The following TNPO3 variants were observed in gnomAD, a reference collection of about 807,000 sequenced individuals.
The protein encoded by TNPO3 is transportin 3, also known as transportin-3.
In TNPO3, 65 loss-of-function variants were observed where a neutral mutation model predicts 122.8. That is an observed-to-expected ratio of 0.53 (90% CI 0.43 to 0.65). The LOEUF is 0.65. Ranked by LOEUF, TNPO3 falls within the 30% of genes least tolerant of loss-of-function variation. TNPO3 has a pLI of 0.00. For missense variants in TNPO3, 850 were observed against 1,136.7 expected, an observed-to-expected ratio of 0.75 and a Z score of 3.63; for synonymous variants, 372 against 411.2, an observed-to-expected ratio of 0.90 and a Z score of 1.15.
At chr7:129,025,687 A>C (rs1040129491) in intron 1 of TNPO3, among the ~76,000 whole-genome samples, 3 of 97,454 alleles carry the variant, frequency 3.1e-5, no homozygotes, top group African/African-American at 1.1e-4. Flanking sequence ...TGCCAGGATT[A>C]CAGGTGTGAG....
chr7:129,020,118 T>TA (rs1301406012), intron 1 of TNPO3, among the ~76,000 whole-genome samples: 1 of 152,020 alleles, frequency 6.6e-6, no homozygotes, highest in Non-Finnish European at 1.5e-5. Flanking sequence ...ACCCTGTTTT[T>TA]AAAAAAACCA....
At chr7:128,985,548 A>G (rs999904643) in intron 12 of TNPO3, among the ~76,000 whole-genome samples, 11 of 152,350 alleles carry the variant, frequency 7.2e-5, no homozygotes, top group Non-Finnish European at 1.2e-4. Context: ...GTGAGCTATG[A>G]TCATGCCACT....
chr7:129,013,365 GA>G (rs1803440963), intron 4 of TNPO3, among the ~76,000 whole-genome samples: 1 of 145,918 alleles, frequency 6.9e-6, no homozygotes, highest in African/African-American at 2.5e-5. Flanking sequence ...AGAATGGGAG[GA>G]AATATTTGCA....
intron 4 of TNPO3, among the ~76,000 whole-genome samples, chr7:129,006,736 A>G (rs2150398006): frequency 6.6e-6 from 1 of 152,312 alleles, no homozygotes; most frequent in Non-Finnish European, 1.5e-5. Context: ...CCAAGTTCAA[A>G]GCTTCATCTA....
chr7:129,027,895 CAAGA>C (rs2150483173), intron 1 of TNPO3, among the ~76,000 whole-genome samples: 1 of 152,226 alleles, frequency 6.6e-6, no homozygotes, highest in East Asian at 1.9e-4. Flanking sequence ...GTGAAGGAAA[CAAGA>C]AATATACCAC....
At chr7:128,982,205 G>A in intron 14 of TNPO3, 43 bp downstream of exon 14, 2 of 1,533,570 alleles carry the variant, frequency 1.3e-6, no homozygotes, top group Non-Finnish European at 1.8e-6. Context: ...GGTTTCATTT[G>A]AGCCTTTAAC....
At chr7:129,020,041 A>T (rs1313541791) in intron 1 of TNPO3, among the ~76,000 whole-genome samples, 1 of 151,976 alleles carries the variant, frequency 6.6e-6, no homozygotes, top group Non-Finnish European at 1.5e-5. Flanking sequence ...GGTGGCATGC[A>T]CCTGTGATCC....
upstream of TNPO3, chr7:129,056,140 T>C: frequency 1.0e-6 from 1 of 996,446 alleles, no homozygotes; most frequent in Non-Finnish European, 1.6e-6. Context: ...ACCAAGGTGA[T>C]TTGTGCTCTC....
chr7:129,044,018 C>T (rs1237557011), intron 1 of TNPO3, among the ~76,000 whole-genome samples: 1 of 152,212 alleles, frequency 6.6e-6, no homozygotes, highest in African/African-American at 2.4e-5. Flanking sequence ...CATATGTTAA[C>T]AGTGCTTAAG....
At chr7:129,049,693 A>G (rs540363188) in intron 1 of TNPO3, among the ~76,000 whole-genome samples, 4 of 152,362 alleles carry the variant, frequency 2.6e-5, no homozygotes, top group African/African-American at 7.2e-5. Context: ...CATAAAGACA[A>G]AGAAAATGGA....
At chr7:129,023,952 C>T (rs1402050658) in intron 1 of TNPO3, among the ~76,000 whole-genome samples, 7 of 152,164 alleles carry the variant, frequency 4.6e-5, no homozygotes, top group Admixed American at 3.9e-4. Flanking sequence ...TGAACAATAA[C>T]AGCTAGTTAC....
chr7:129,045,285 T>C (rs1464858603), intron 1 of TNPO3, among the ~76,000 whole-genome samples: 1 of 152,162 alleles, frequency 6.6e-6, no homozygotes, highest in Non-Finnish European at 1.5e-5. Context: ...ATGATGGTGA[T>C]GGTTGCACAA....
chr7:128,957,166 C>G, intron 22 of TNPO3, 58 bp downstream of exon 22: 1 of 1,467,252 alleles, frequency 6.8e-7, no homozygotes, highest in Admixed American at 1.7e-5. Flanking sequence ...ATCCCCATTC[C>G]CAGGCATCCC....
chr7:129,016,220 C>G (rs1032258094), intron 3 of TNPO3, among the ~76,000 whole-genome samples: 21 of 152,036 alleles, frequency 1.4e-4, no homozygotes, highest in Non-Finnish European at 2.9e-5. Context: ...CTGGCCAAAC[C>G]CCGCCTCTAC....
intron 4 of TNPO3, among the ~76,000 whole-genome samples, chr7:129,012,298 A>G (rs1803310642): frequency 1.3e-5 from 2 of 151,962 alleles, no homozygotes; most frequent in Admixed American, 1.3e-4. Flanking sequence ...GAGCCACTGC[A>G]CCCAGCCCTC....
intron 13 of TNPO3, among the ~76,000 whole-genome samples, chr7:128,982,954 A>G (rs538664376): frequency 6.6e-6 from 1 of 152,314 alleles, no homozygotes; most frequent in East Asian, 1.9e-4. Context: ...TGCTAACTTG[A>G]ATGAATTCTT....
In TNPO3 at chr7:128,986,996, A is replaced by G. The variant is rs542391044; in HGVS notation, c.1499-76T>C. 4.3e-4 allele frequency: 614 copies of G among 1,442,206 alleles called. 1 individual carries two copies. The highest frequency in any genetic ancestry group is 5.2e-4 in the Non-Finnish European group (566 of 1,079,422). 89.3% of individuals were successfully genotyped at this position (1,442,206 alleles called of 1,614,324 possible). A position where few individuals can be genotyped will look rare whatever the true frequency, so the allele number is the denominator to read the frequency against. On this transcript the variant is annotated intron_variant, in intron 11 of 22. Coordinates refer to ENST00000265388, the MANE Select transcript of TNPO3 (RefSeq NM_012470.4). The stretch of plus-strand genomic sequence containing the variant: ...TTCTAGTTTATTAAAACAGAGGTAT[A>G]CTTGCTTTTCTTTTTTTAAAGCAAA...
At chr7:129,025,293 T>C (rs938310363) in intron 1 of TNPO3, among the ~76,000 whole-genome samples, 3 of 126,596 alleles carry the variant, frequency 2.4e-5, no homozygotes, top group African/African-American at 9.2e-5. Context: ...GAAGTTGCAG[T>C]GAGCCGAGAT....
chr7:129,003,815 A>G (rs940445216), intron 5 of TNPO3, among the ~76,000 whole-genome samples: 8 of 152,234 alleles, frequency 5.3e-5, no homozygotes, highest in Non-Finnish European at 1.2e-4. Context: ...AGTAGAGGAG[A>G]TAATATAATC....
Sources: allele counts gnomAD v4.1 joint callset (sites outside exome capture counted in the v4.1 genomes callset), GRCh38; gene constraint gnomAD v4.1.1; transcripts MANE v1.5; gene names NCBI Gene and HGNC (gene_info 2026-07-23, HGNC 2026-07-21).